SLC35B1: variants seen among roughly 807,000 people sequenced by gnomAD.
The protein encoded by SLC35B1 is ATP/ADP exchanger ER.
A neutral mutation model predicts 36.6 loss-of-function variants in SLC35B1; 27 were observed. The ratio of observed to expected loss-of-function variants is 0.74; its 90% CI spans 0.54 to 1.02. The LOEUF is 1.02. Among genes scored for constraint, SLC35B1 ranks in the 50% least tolerant of loss-of-function variants. The probability of loss-of-function intolerance (pLI) is 0.00; values close to 1 mark genes in which losing one functional copy is unlikely to be tolerated. For synonymous variants in SLC35B1, 162 were observed against 152.5 expected, an observed-to-expected ratio of 1.06 and a Z score of -0.46; for missense variants, 321 against 383.2, an observed-to-expected ratio of 0.84 and a Z score of 1.35.
chr17:49,706,954 TG>T lies in SLC35B1; in HGVS notation c.208+10del. On this transcript the variant is annotated intron_variant, in intron 2 of 8. Transcript: ENST00000240333. ...GTGGGGTACCCAACAAATTACTATCTGGGTACTCACAGATCTTGGCAAACAC... is the reference window on the plus strand; with the variant it reads ...GTGGGGTACCCAACAAATTACTATCTGGTACTCACAGATCTTGGCAAACAC... 1 of 1,601,506 alleles carries T rather than the reference TG, an allele frequency of 6.2e-7. No individual in the cohort carries two copies.
chr17:49,704,968 T>C, intron 5 of SLC35B1, 156 bp downstream of exon 5: 1 of 654,590 alleles, frequency 1.5e-6, no homozygotes, highest in Non-Finnish European at 2.6e-6. Flanking sequence ...CACTATGGCA[T>C]TAATAGAGTC....
intron 5 of SLC35B1, among the ~76,000 whole-genome samples, chr17:49,704,646 G>A (rs55817237): frequency 0.18 from 26,738 of 152,162 alleles, 2,769 homozygotes; most frequent in East Asian, 0.48. Flanking sequence ...GGGCAAGCGA[G>A]TTAACTTCTC....
At chr17:49,707,234 C>T in intron 1 of SLC35B1, 166 bp from the exon 2 acceptor site, 3 of 1,395,436 alleles carry the variant, frequency 2.1e-6, no homozygotes, top group Non-Finnish European at 2.9e-6. Flanking sequence ...GCTGATTTTA[C>T]TGGATCTAGA....
intron 5 of SLC35B1, 87 bp downstream of exon 5, chr17:49,705,037 C>T: frequency 2.2e-6 from 3 of 1,370,848 alleles, no homozygotes; most frequent in East Asian, 2.3e-5. Flanking sequence ...TCCCTTGACA[C>T]AGAACTGGCC....
chr17:49,701,943 AT>A (rs1266826301), intron 8 of SLC35B1: 73 of 403,374 alleles, frequency 1.8e-4, no homozygotes, highest in African/African-American at 1.2e-3. Context: ...AAAAAAAAAA[AT>A]TGGTCAGGTA....
At chr17:49,707,607 G>C (rs1210344733) in intron 1 of SLC35B1, 123 bp downstream of exon 1, 4 of 1,441,052 alleles carry the variant, frequency 2.8e-6, no homozygotes, top group Middle Eastern at 1.9e-4. Context: ...AAAGTAGTAG[G>C]GTGCTAAGAG....
At position 49,703,761 on chromosome 17, in the gene SLC35B1, T is replaced by A. The variant is rs1396707925; in HGVS notation, c.655+339A>T. 8.6e-6 allele frequency: 3 copies of A among 349,854 alleles called. No homozygotes were observed. The East Asian group carries it at 2.1e-4, about 24-fold the overall frequency. The allele number at this position is 349,854 out of a possible 1,614,324, so 21.7% of individuals were successfully genotyped here. ...AAGCAAATCATTCACATTTGAACTG[T>A]CTTCAGTGTACAGCTAACTCTGTTT... On this transcript the variant is annotated intron_variant, in intron 6 of 8. Coordinates refer to ENST00000240333, the MANE Select transcript of SLC35B1 (RefSeq NM_005827.4).
At chr17:49,706,820 C>A in intron 2 of SLC35B1, 145 bp downstream of exon 2, 1 of 619,990 alleles carries the variant, frequency 1.6e-6, no homozygotes, top group South Asian at 2.1e-5. Context: ...ATTAGTTTTA[C>A]AGACTTCACA....
intron 1 of SLC35B1, 83 bp downstream of exon 1, chr17:49,707,642 GAGGAA>G: frequency 6.7e-7 from 1 of 1,497,672 alleles, no homozygotes; most frequent in Non-Finnish European, 9.1e-7. Context: ...AGGAGGACAA[GAGGAA>G]AGCCCGGGTC....
intron 6 of SLC35B1, chr17:49,703,749 A>G: frequency 3.1e-6 from 1 of 326,562 alleles, no homozygotes; most frequent in Non-Finnish European, 5.9e-6. Context: ...CAAATCATTC[A>G]CATTTGAACT....
chr17:49,703,429 A>C, intron 6 of SLC35B1, 135 bp from the exon 7 acceptor site: 1 of 670,212 alleles, frequency 1.5e-6, no homozygotes, highest in South Asian at 1.6e-5. Context: ...GGGACGCGGG[A>C]AAGTGTATGG....
intron 5 of SLC35B1, 116 bp from the exon 6 acceptor site, chr17:49,704,342 A>C (rs2073388937): frequency 7.6e-7 from 1 of 1,314,566 alleles, no homozygotes; most frequent in East Asian, 2.5e-5. Context: ...TAAAGTCCTC[A>C]GAACAAAACG....
At position 49,701,431 on chromosome 17, in the gene SLC35B1, C is replaced by T. The variant is rs8186; in HGVS notation, c.*27G>A. On this transcript the variant is annotated 3_prime_UTR_variant, in exon 9 of 9. Transcript: ENST00000240333. ...TGTTTGAGATAATAACTTAAATATTCTTGATGTGGAGGTAGTCTCTCTCTT... is the reference window on the plus strand; with the variant it reads ...TGTTTGAGATAATAACTTAAATATTTTTGATGTGGAGGTAGTCTCTCTCTT... 86,626 of 1,581,090 alleles carry T rather than the reference C, an allele frequency of 0.055. 3,250 individuals are homozygous for T. Among genetic ancestry groups the T allele is most frequent in the African/African-American group, 0.14 (10,252 of 74,256 alleles).
chr17:49,702,638 A>G, intron 8 of SLC35B1: 1 of 481,242 alleles, frequency 2.1e-6, no homozygotes, highest in Non-Finnish European at 3.7e-6. Context: ...ATGCTGAGGC[A>G]GGAGAATTGC....
At position 49,704,081 on chromosome 17, in the gene SLC35B1, C is replaced by G. The variant is rs759059812; in HGVS notation, c.655+19G>C. On this transcript the variant is annotated intron_variant, in intron 6 of 8. Transcript: ENST00000240333. ...GCCCTCTGGTGATACATGGGAAGAA[C>G]AGCAGAACTGGCTCTCACCCATTCC... 2 of 1,613,882 alleles carry G rather than the reference C, an allele frequency of 1.2e-6. No individual in the cohort carries two copies. The highest frequency in any genetic ancestry group is 2.2e-5 in the South Asian group (2 of 91,070).
At chr17:49,707,291 C>T in intron 1 of SLC35B1, 1 of 1,459,122 alleles carries the variant, frequency 6.9e-7, no homozygotes, top group Non-Finnish European at 9.1e-7. Flanking sequence ...GAAAAGAATA[C>T]CCGAAAAAGA....
At chr17:49,708,102 G>A, upstream of SLC35B1, 1 of 726,570 alleles carries the variant, frequency 1.4e-6, no homozygotes, top group Non-Finnish European at 2.4e-6. Context: ...AGGGCCAGGG[G>A]AACCGGCAGC....
chr17:49,703,067 A>G (rs2073371456), intron 7 of SLC35B1, 56 bp from the exon 8 acceptor site: 2 of 1,607,932 alleles, frequency 1.2e-6, no homozygotes, highest in African/African-American at 1.3e-5. Context: ...CCATTGGTCT[A>G]AAGTCTATAA....
rs775402427 is a variant in SLC35B1 at position 49,705,889 on chromosome 17, C to T, written c.347G>A (p.Gly116Asp). The change falls in exon 4 of 9, where the codon GGT (glycine) becomes GAT (aspartate). Residue 116 changes from glycine (G) to aspartate (D), a missense_variant. Gly to Asp is a moderately conservative substitution (Grantham distance 94). Coordinates refer to ENST00000240333, the MANE Select transcript of SLC35B1 (RefSeq NM_005827.4). ...ACCTGGGATTGGCTTGCAGGATTTA[C>T]CAAGGACCTGAAATTAAATCCAGCA... is the stretch of plus-strand genomic sequence containing the variant. ...QFVNYPTQVL[G>D]KSCKPIPVML... The T allele has an allele frequency of 4.3e-6, 7 of 1,614,046 alleles. No individual in the cohort carries two copies. The highest frequency in any genetic ancestry group is 5.1e-6 in the Non-Finnish European group (6 of 1,179,950).
Sources: allele counts gnomAD v4.1 joint callset (sites outside exome capture counted in the v4.1 genomes callset), GRCh38; gene constraint gnomAD v4.1.1; transcripts MANE v1.5; gene names NCBI Gene and HGNC (gene_info 2026-07-23, HGNC 2026-07-21).